The following SLCO1A2 variants were observed in gnomAD, a reference collection of about 807,000 sequenced individuals.
SLCO1A2 encodes OATP-1.
In SLCO1A2, 67 loss-of-function variants were observed where a neutral mutation model predicts 69.0. That is an observed-to-expected ratio of 0.97 (90% confidence interval 0.80 to 1.19). The LOEUF is 1.19. Among genes scored for constraint, SLCO1A2 ranks in the 50% most tolerant of loss-of-function variants. The pLI is 0.00. For missense variants in SLCO1A2, 787 were observed against 793.7 expected (o/e 0.99, Z 0.10); for synonymous variants, 260 against 265.9 (o/e 0.98, Z 0.22).
At chr12:21,378,849 G>A (rs1338022510) in intron 1 of SLCO1A2, 1 of 166,650 alleles carries the variant, frequency 6.0e-6, no homozygotes, top group Non-Finnish European at 1.3e-5. Flanking sequence ...GGCCGAGGCA[G>A]GCAGATCACA....
chr12:21,301,442 A>C (rs182202098), intron 6 of SLCO1A2, among the ~76,000 whole-genome samples, 173 bp from the exon 7 acceptor site: 250 of 152,268 alleles, frequency 1.6e-3, no homozygotes, highest in Non-Finnish European at 2.7e-3. Flanking sequence ...TGTTTCTGTA[A>C]ATGTTGAAAA....
At chr12:21,308,665 A>C (rs1949728533) in intron 4 of SLCO1A2, among the ~76,000 whole-genome samples, 1 of 152,212 alleles carries the variant, frequency 6.6e-6, no homozygotes, top group Admixed American at 6.5e-5. Flanking sequence ...TCCAACTTCC[A>C]TTTGGCTGGT....
At position 21,304,589 on chromosome 12, in the gene SLCO1A2, A is replaced by C; in HGVS notation, c.443-16T>G. Reference sequence around the variant, plus strand: ...TTTGTACACTCTGCATTAAAAAAAAAAGACATGACATTAGTGCTTTGACGA... The same window carrying C: ...TTTGTACACTCTGCATTAAAAAAAACAGACATGACATTAGTGCTTTGACGA... On this transcript the variant is annotated splice_polypyrimidine_tract_variant and intron_variant, in intron 5 of 14. Coordinates refer to ENST00000683939, the MANE Select transcript of SLCO1A2 (RefSeq NM_001386879.1). 2 of 1,584,236 alleles carry C rather than the reference A, an allele frequency of 1.3e-6. No individual in the cohort carries two copies. The highest frequency in any genetic ancestry group is 1.7e-6 in the Non-Finnish European group (2 of 1,167,370).
chr12:21,282,720 A>G (rs1227931380), intron 12 of SLCO1A2, among the ~76,000 whole-genome samples: 1 of 152,136 alleles, frequency 6.6e-6, no homozygotes, highest in Non-Finnish European at 1.5e-5. Context: ...GCCATTCAAA[A>G]TGATAAACAA....
intron 1 of SLCO1A2, among the ~76,000 whole-genome samples, chr12:21,411,403 C>T (rs982407176): frequency 1.3e-5 from 2 of 152,178 alleles, no homozygotes; most frequent in African/African-American, 4.8e-5. Context: ...CGACTGTGAT[C>T]ATATACCAAA....
chr12:21,368,088 A>G (rs1939520530), intron 2 of SLCO1A2, among the ~76,000 whole-genome samples: 1 of 152,156 alleles, frequency 6.6e-6, no homozygotes, highest in African/African-American at 2.4e-5. Context: ...ACTCAGAATG[A>G]ACAACTTGCC....
chr12:21,388,770 A>G (rs1941013312), intron 1 of SLCO1A2, among the ~76,000 whole-genome samples: 2 of 152,134 alleles, frequency 1.3e-5, no homozygotes, highest in Admixed American at 1.3e-4. Flanking sequence ...ACTTTCATAT[A>G]TGGCCCTTTC....
At chr12:21,301,576 C>T (rs899308579) in intron 6 of SLCO1A2, among the ~76,000 whole-genome samples, 3 of 152,084 alleles carry the variant, frequency 2.0e-5, no homozygotes, top group Admixed American at 6.6e-5. Context: ...TTGACTAGGT[C>T]GTGATATAAC....
intron 2 of SLCO1A2, among the ~76,000 whole-genome samples, chr12:21,352,345 T>C (rs1487429885): frequency 6.6e-6 from 1 of 152,214 alleles, no homozygotes; most frequent in Non-Finnish European, 1.5e-5. Flanking sequence ...ACAACTCCAA[T>C]GTCATAGTGT....
At chr12:21,378,445 A>G (rs1368616437) in intron 1 of SLCO1A2, 3 of 1,588,386 alleles carry the variant, frequency 1.9e-6, no homozygotes, top group South Asian at 2.2e-5. Flanking sequence ...GTAACTCTAT[A>G]GTTATTGTTT....
At chr12:21,378,117 A>C (rs1940339507) in intron 1 of SLCO1A2, 3 of 869,006 alleles carry the variant, frequency 3.5e-6, no homozygotes, top group Non-Finnish European at 5.4e-6. Context: ...CAAAACACTG[A>C]GTTACTTATG....
chr12:21,418,760 C>G (rs1942029999), upstream of SLCO1A2, among the ~76,000 whole-genome samples: 1 of 152,064 alleles, frequency 6.6e-6, no homozygotes, highest in Admixed American at 6.5e-5. Flanking sequence ...CAAACCATAT[C>G]AGTCATGTAT....
At chr12:21,395,783 G>T (rs2137172938), upstream of SLCO1A2, among the ~76,000 whole-genome samples, 1 of 152,192 alleles carries the variant, frequency 6.6e-6, no homozygotes, top group African/African-American at 2.4e-5. Context: ...CAAACGGCAG[G>T]GTACTCCAAC....
chr12:21,281,977 C>T (rs1439751674), intron 12 of SLCO1A2, among the ~76,000 whole-genome samples: 1 of 151,962 alleles, frequency 6.6e-6, no homozygotes, highest in Non-Finnish European at 1.5e-5. Context: ...GGCTTCACTG[C>T]CTAATTCTAC....
intron 2 of SLCO1A2, among the ~76,000 whole-genome samples, chr12:21,330,759 C>T (rs575312996): frequency 6.6e-6 from 1 of 152,182 alleles, no homozygotes; most frequent in Admixed American, 6.5e-5. Flanking sequence ...CATGAGTGTA[C>T]TTTTAATATC....
intron 1 of SLCO1A2, among the ~76,000 whole-genome samples, chr12:21,409,755 C>T (rs1941878020): frequency 1.3e-5 from 2 of 152,118 alleles, no homozygotes; most frequent in South Asian, 4.1e-4. Context: ...AGATCACAGT[C>T]GTATATTTGA....
intron 4 of SLCO1A2, among the ~76,000 whole-genome samples, chr12:21,313,839 T>C (rs1950520029): frequency 1.3e-5 from 2 of 152,102 alleles, no homozygotes; most frequent in East Asian, 1.9e-4. Context: ...GCATGGTACC[T>C]GTAGTCCCAG....
intron 12 of SLCO1A2, among the ~76,000 whole-genome samples, chr12:21,290,804 C>T (rs1946729352): frequency 6.6e-6 from 1 of 151,978 alleles, no homozygotes; most frequent in Non-Finnish European, 1.5e-5. Context: ...AGGTAAGAAA[C>T]TTGTTAGATT....
At chr12:21,397,094 C>G (rs1941495424), upstream of SLCO1A2, among the ~76,000 whole-genome samples, 1 of 152,070 alleles carries the variant, frequency 6.6e-6, no homozygotes, top group African/African-American at 2.4e-5. Flanking sequence ...GATAAAGAGT[C>G]AAGACCCATC....
Sources: gnomAD v4.1 joint callset for allele counts (sites outside exome capture counted in the v4.1 genomes callset) on GRCh38, gnomAD v4.1.1 for gene constraint, MANE v1.5 for transcripts, NCBI Gene and HGNC (gene_info 2026-07-23, HGNC 2026-07-21) for gene names.